SULT2B1: variants seen among roughly 807,000 people sequenced by gnomAD.
SULT2B1 encodes the protein sulfotransferase family 2B member 1.
A neutral mutation model predicts 33.2 loss-of-function variants in SULT2B1; 16 were observed. The observed-to-expected ratio is 0.48, with a 90% CI of 0.33 to 0.73. The LOEUF (loss-of-function observed/expected upper bound fraction) is 0.73, where lower values mean the gene tolerates loss of function less well. Among genes scored for constraint, SULT2B1 ranks in the 30% least tolerant of loss-of-function variants. The pLI is 0.02. For synonymous variants in SULT2B1, 186 were observed against 200.5 expected (o/e 0.93, Z 0.61); for missense variants, 500 against 506.0 (o/e 0.99, Z 0.11).
In SULT2B1 at chr19:48,591,634, G is replaced by T. The variant is rs550795943; in HGVS notation, c.449G>T (p.Arg150Leu). The T allele has an allele frequency of 6.2e-7, 1 of 1,613,462 alleles. No homozygotes were observed. Among genetic ancestry groups the T allele is most frequent in the South Asian group, 1.1e-5 (1 of 91,056 alleles). The change falls in exon 4 of 7, where the codon CGG becomes CTG. Residue 150 changes from arginine (R) to leucine (L), a missense_variant. Physicochemically the swap from Arg to Leu is moderately radical, Grantham distance 102 (BLOSUM62 -2). Transcript: ENST00000201586. ...GTGATCTACATGGGCCGCAACCCCC[G>T]GGACGTTGTGGTCTCCCTCTATCAT... The part of the protein sequence containing the change: ...AKVIYMGRNP[R>L]DVVVSLYHYS...
intron 2 of SULT2B1, among the ~76,000 whole-genome samples, chr19:48,579,605 C>CTTTCTTTCTTTTTTTTTT (rs71179013): frequency 3.8e-5 from 3 of 79,736 alleles, no homozygotes; most frequent in Admixed American, 1.7e-4. Flanking sequence ...TTCTTTCTTT[C>CTTTCTTTCTTTTTTTTTT]TTTTTTTTTT....
chr19:48,576,049 C>G lies in SULT2B1; in HGVS notation c.180C>G (p.Asp60Glu), dbSNP rs757069419. 1.2e-6 allele frequency: 2 copies of G among 1,613,222 alleles called. No individual in the cohort carries two copies. Among genetic ancestry groups the G allele is most frequent in the Non-Finnish European group, 1.7e-6 (2 of 1,179,746 alleles). ...CGGAGAACACCCAAGATGTGCGGGACGACGACATCTTTATCATCACCTACC... is the reference window on the plus strand; with the variant it reads ...CGGAGAACACCCAAGATGTGCGGGAGGACGACATCTTTATCATCACCTACC... ...SLAENTQDVR[D>E]DDIFIITYPK... The change falls in exon 2 of 7, where the codon GAC (aspartate) becomes GAG (glutamate). Residue 60 changes from aspartate to glutamate, a missense_variant. Transcript: ENST00000201586.
chr19:48,569,931 G>T (rs1973298165), intron 1 of SULT2B1, among the ~76,000 whole-genome samples: 1 of 151,970 alleles, frequency 6.6e-6, no homozygotes. Context: ...TTCCTAAAGT[G>T]CTGGGATTAG....
chr19:48,552,725 C>T lies in SULT2B1; in HGVS notation c.71+402C>T, dbSNP rs966472290. On this transcript the variant is annotated intron_variant, in intron 1 of 6. Transcript: ENST00000201586. The surrounding 1 kb of genome is among the most constrained non-coding windows in gnomAD (Gnocchi z 4.8). ...ACACCCCATGCAAGCCCTGAAATAA[C>T]GGGGGTGCTTGGGGGTGAAATGGGA... 3.3e-5 allele frequency among the ~76,000 whole-genome samples: 5 copies of T among 152,058 alleles called. No individual in the cohort carries two copies. The highest frequency in any genetic ancestry group is 7.2e-5 in the African/African-American group (3 of 41,406).
At chr19:48,569,975 C>T (rs1973298540) in intron 1 of SULT2B1, among the ~76,000 whole-genome samples, 1 of 152,078 alleles carries the variant, frequency 6.6e-6, no homozygotes. Flanking sequence ...TTGTTAATCA[C>T]ATCTGCAAAG....
At chr19:48,597,406 C>T (rs8103525) in intron 6 of SULT2B1, among the ~76,000 whole-genome samples, 123,635 of 145,580 alleles carry the variant, frequency 0.85, 52,476 homozygotes, top group Admixed American at 0.88. Flanking sequence ...TGCAGTGGCG[C>T]GATCTCGGCT....
At chr19:48,573,072 G>A (rs1416396864) in intron 1 of SULT2B1, among the ~76,000 whole-genome samples, 1 of 151,266 alleles carries the variant, frequency 6.6e-6, no homozygotes, top group African/African-American at 2.4e-5. Context: ...CAGGAGAATC[G>A]CTTGAACTTG....
intron 2 of SULT2B1, among the ~76,000 whole-genome samples, chr19:48,579,149 A>T (rs8108904): frequency 0.19 from 28,367 of 152,002 alleles, 2,836 homozygotes; most frequent in East Asian, 0.41. Flanking sequence ...AGTCTCATTC[A>T]TTTTTATGGT....
rs1346665346 is a variant in SULT2B1, at chr19:48,561,805, C to T, written c.71+9482C>T. Among the ~76,000 whole-genome samples, 3 of 152,112 alleles carry T rather than the reference C, an allele frequency of 2.0e-5. No homozygotes were observed. In the East Asian group the frequency reaches 5.8e-4, roughly 29 times the overall value. ...TGAGATGCTCTACATCCCAGAGCCC[C>T]ACTCCCCTCTTCTCCAAAATGGGCC... On this transcript the variant is annotated intron_variant, in intron 1 of 6. Coordinates refer to ENST00000201586, the MANE Select transcript of SULT2B1 (RefSeq NM_177973.2).
chr19:48,569,918 G>C (rs1042975739), intron 1 of SULT2B1, among the ~76,000 whole-genome samples: 4 of 151,752 alleles, frequency 2.6e-5, no homozygotes, highest in Non-Finnish European at 5.9e-5. Context: ...CACCTGTCTC[G>C]GCTTCCTAAA....
intron 1 of SULT2B1, among the ~76,000 whole-genome samples, chr19:48,570,034 C>T (rs533955378): frequency 6.8e-4 from 103 of 152,140 alleles, no homozygotes; most frequent in African/African-American, 2.2e-3. Flanking sequence ...AGGATTAGGA[C>T]GACAACATCA....
At chr19:48,571,170 G>A (rs1357969034) in intron 1 of SULT2B1, among the ~76,000 whole-genome samples, 1 of 149,864 alleles carries the variant, frequency 6.7e-6, no homozygotes, top group Non-Finnish European at 1.5e-5. Flanking sequence ...ACAGGTACAG[G>A]CCACCATGCC....
chr19:48,581,612 C>CA (rs1973489305), intron 2 of SULT2B1, among the ~76,000 whole-genome samples: 1 of 151,228 alleles, frequency 6.6e-6, no homozygotes. Context: ...CGCCCACCAC[C>CA]ACGCCCGGCT....
At chr19:48,562,955 C>T (rs939443886) in intron 1 of SULT2B1, among the ~76,000 whole-genome samples, 3 of 152,004 alleles carry the variant, frequency 2.0e-5, no homozygotes, top group Non-Finnish European at 4.4e-5. Flanking sequence ...GCTGGGATTA[C>T]AGGCGTGAGC....
At chr19:48,556,253 T>A (rs1461300442) in intron 1 of SULT2B1, among the ~76,000 whole-genome samples, 1 of 152,170 alleles carries the variant, frequency 6.6e-6, no homozygotes, top group Non-Finnish European at 1.5e-5. Flanking sequence ...AGGTCCCTGA[T>A]CACGCTGGTC....
chr19:48,581,467 TGAGA>T (rs138546380), intron 2 of SULT2B1, among the ~76,000 whole-genome samples: 1 of 121,564 alleles, frequency 8.2e-6, no homozygotes, highest in African/African-American at 3.1e-5. Flanking sequence ...CATTGAGATT[TGAGA>T]GTTTTTTTTT....
intron 4 of SULT2B1, 80 bp from the exon 5 acceptor site, chr19:48,592,642 C>A: frequency 8.1e-7 from 1 of 1,229,642 alleles, no homozygotes; most frequent in Non-Finnish European, 1.2e-6. Context: ...TGGGGCACAG[C>A]TAGTTAGACC....
intron 1 of SULT2B1, among the ~76,000 whole-genome samples, chr19:48,571,832 A>G (rs1973333689): frequency 1.3e-5 from 2 of 152,068 alleles, no homozygotes; most frequent in Admixed American, 1.3e-4. Flanking sequence ...GCTGTAGGGT[A>G]GCCCTCATGA....
intron 3 of SULT2B1, among the ~76,000 whole-genome samples, chr19:48,589,813 C>T (rs115318752): frequency 6.2e-4 from 94 of 152,244 alleles, no homozygotes; most frequent in African/African-American, 1.6e-3. Flanking sequence ...TTTAAAAATT[C>T]GTCACGTGTA....
Sources: gnomAD v4.1 joint callset for allele counts (sites outside exome capture counted in the v4.1 genomes callset) on GRCh38, gnomAD v4.1.1 for gene constraint, Gnocchi (gnomAD v3.1) non-coding constraint, MANE v1.5 for transcripts, NCBI Gene and HGNC (gene_info 2026-07-23, HGNC 2026-07-21) for gene names.